LRRC63: variants seen among roughly 807,000 people sequenced by gnomAD.
The protein encoded by LRRC63 is leucine rich repeat containing 63, also known as leucine-rich repeat-containing protein 63.
A neutral mutation model predicts 49.5 loss-of-function variants in LRRC63; 40 were observed. The ratio of observed to expected loss-of-function variants is 0.81; its 90% CI spans 0.63 to 1.05. LRRC63 has a LOEUF of 1.05. LRRC63 is among the 50% of genes least tolerant of loss of function. LRRC63 has a pLI of 0.00. For synonymous variants in LRRC63, 191 were observed against 221.1 expected, an observed-to-expected ratio of 0.86 and a Z score of 1.21; for missense variants, 636 against 663.1, an observed-to-expected ratio of 0.96 and a Z score of 0.45.
At chr13:46,268,136 A>AT (rs2047706712) in intron 9 of LRRC63, among the ~76,000 whole-genome samples, 2 of 152,234 alleles carry the variant, frequency 1.3e-5, no homozygotes, top group Non-Finnish European at 2.9e-5. Context: ...GGATATGAGT[A>AT]TTGCAACTGT....
chr13:46,242,864 A>C (rs2047104301), intron 5 of LRRC63, among the ~76,000 whole-genome samples: 1 of 152,178 alleles, frequency 6.6e-6, no homozygotes, highest in Non-Finnish European at 1.5e-5. Context: ...ATAACAAAAG[A>C]TGAAGGAATT....
chr13:46,220,368 C>T (rs2046369699), intron 2 of LRRC63, among the ~76,000 whole-genome samples: 1 of 152,206 alleles, frequency 6.6e-6, no homozygotes, highest in African/African-American at 2.4e-5. Context: ...CAGTGGGCTC[C>T]ACCCAGTTTG....
At chr13:46,254,438 G>A (rs2047458753) in intron 7 of LRRC63, among the ~76,000 whole-genome samples, 2 of 152,108 alleles carry the variant, frequency 1.3e-5, no homozygotes, top group African/African-American at 4.8e-5. Context: ...CAGCTCAGGT[G>A]GAGATTCTGG....
At chr13:46,233,496 A>G (rs2046821400) in intron 4 of LRRC63, among the ~76,000 whole-genome samples, 1 of 152,202 alleles carries the variant, frequency 6.6e-6, no homozygotes, top group Non-Finnish European at 1.5e-5. Flanking sequence ...CTGACATTAT[A>G]AAATATGTTT....
chr13:46,224,152 A>T (rs1004561774), intron 2 of LRRC63, among the ~76,000 whole-genome samples: 2 of 152,204 alleles, frequency 1.3e-5, no homozygotes, highest in Non-Finnish European at 2.9e-5. Flanking sequence ...TAGGTTTTAT[A>T]GTCCTTCCTT....
At chr13:46,234,382 C>T in intron 5 of LRRC63, 33 bp downstream of exon 5, 1 of 1,528,542 alleles carries the variant, frequency 6.5e-7, no homozygotes, top group Non-Finnish European at 8.8e-7. Flanking sequence ...CAGTGCCCTC[C>T]TGTATTATCA....
intron 9 of LRRC63, among the ~76,000 whole-genome samples, chr13:46,268,755 G>A (rs1029623513): frequency 6.6e-6 from 1 of 151,692 alleles, no homozygotes; most frequent in African/African-American, 2.4e-5. Flanking sequence ...CCAGAAGCAA[G>A]TTCTGAGAGG....
At chr13:46,240,133 T>C (rs1046741026) in intron 5 of LRRC63, among the ~76,000 whole-genome samples, 8 of 131,552 alleles carry the variant, frequency 6.1e-5, no homozygotes, top group East Asian at 3.9e-4. Flanking sequence ...TTTCTTTTTT[T>C]TTTTTTTTTT....
At chr13:46,263,581 T>C (rs959536090) in intron 8 of LRRC63, among the ~76,000 whole-genome samples, 13 of 152,178 alleles carry the variant, frequency 8.5e-5, no homozygotes, top group Non-Finnish European at 1.8e-4. Context: ...TGATGGTCTG[T>C]CTCCCCACTG....
chr13:46,235,959 A>T (rs1161293943), intron 5 of LRRC63, among the ~76,000 whole-genome samples: 1 of 152,152 alleles, frequency 6.6e-6, no homozygotes, highest in African/African-American at 2.4e-5. Flanking sequence ...AAGAGATGGA[A>T]ATGACAAAAG....
intron 7 of LRRC63, among the ~76,000 whole-genome samples, chr13:46,258,580 T>C (rs1038136671): frequency 8.7e-5 from 13 of 150,092 alleles, no homozygotes; most frequent in South Asian, 4.2e-4. Context: ...GAGGCCGGGG[T>C]GGGCGAATCA....
At chr13:46,224,993 T>C (rs2046526968) in intron 2 of LRRC63, among the ~76,000 whole-genome samples, 2 of 152,238 alleles carry the variant, frequency 1.3e-5, no homozygotes, top group South Asian at 4.1e-4. Flanking sequence ...GCACCTGTGT[T>C]GGCAGTTACT....
chr13:46,273,391 A>G (rs1237226842), intron 9 of LRRC63, among the ~76,000 whole-genome samples: 1 of 152,116 alleles, frequency 6.6e-6, no homozygotes, highest in Non-Finnish European at 1.5e-5. Context: ...TCATGAGGTC[A>G]GGAGATCGAG....
chr13:46,276,726 A>C (rs1460748279), exon 10 of LRRC63: 3 of 1,229,232 alleles, frequency 2.4e-6, no homozygotes, highest in Non-Finnish European at 3.0e-6. Context: ...TAGAAGAATA[A>C]AGGAAAGCAG....
At chr13:46,258,582 G>A (rs1202950652) in intron 7 of LRRC63, among the ~76,000 whole-genome samples, 3 of 150,738 alleles carry the variant, frequency 2.0e-5, no homozygotes, top group Admixed American at 1.3e-4. Flanking sequence ...GGCCGGGGTG[G>A]GCGAATCACG....
chr13:46,219,578 C>T lies in LRRC63; in HGVS notation c.85+6459C>T, dbSNP rs564666612. Among the ~76,000 whole-genome samples, 3 of 152,176 alleles carry T rather than the reference C, an allele frequency of 2.0e-5. 1 individual carries two copies. Among genetic ancestry groups the T allele is most frequent in the Non-Finnish European group, 4.4e-5 (3 of 68,018 alleles). ...TTAGCTCAGAGGAGTTTATTATTAT[C>T]CACCTTCTGAAGCCTACTTCTGTCA... On this transcript the variant is annotated intron_variant, in intron 2 of 9. Coordinates refer to ENST00000595396, the Ensembl canonical transcript of LRRC63.
intron 2 of LRRC63, 51 bp from the exon 3 acceptor site, chr13:46,227,461 G>C: frequency 8.4e-7 from 1 of 1,195,550 alleles, no homozygotes; most frequent in Non-Finnish European, 1.1e-6. Flanking sequence ...TATTTTGTCT[G>C]TGACATATTG....
chr13:46,218,128 A>T (rs1315828570), intron 2 of LRRC63, among the ~76,000 whole-genome samples: 1 of 152,224 alleles, frequency 6.6e-6, no homozygotes, highest in East Asian at 1.9e-4. Context: ...TTCTTGGTCC[A>T]AAGCTGAGTT....
chr13:46,255,645 A>AAAAAAAAAAAAATATAT (rs1555328641), intron 7 of LRRC63, among the ~76,000 whole-genome samples: 2 of 129,468 alleles, frequency 1.5e-5, no homozygotes, highest in African/African-American at 5.8e-5. Context: ...CCCTGCCTCA[A>AAAAAAAAAAAAATATAT]ATATATATAT....
Sources: allele counts gnomAD v4.1 joint callset (sites outside exome capture counted in the v4.1 genomes callset), GRCh38; gene constraint gnomAD v4.1.1; transcripts MANE v1.5; gene names NCBI Gene and HGNC (gene_info 2026-07-23, HGNC 2026-07-21).